The following PLCD3 variants were observed in gnomAD, a reference collection of about 807,000 sequenced individuals.
PLCD3 encodes the protein 1-phosphatidylinositol 4,5-bisphosphate phosphodiesterase delta-3.
In PLCD3, 62 loss-of-function variants were observed where a neutral mutation model predicts 82.8. The observed-to-expected ratio is 0.75, with a 90% CI of 0.61 to 0.93. The LOEUF is 0.93. PLCD3 is among the 40% of genes least tolerant of loss of function. PLCD3 has a pLI of 0.00. For synonymous variants in PLCD3, 478 were observed against 471.8 expected (o/e 1.01, Z -0.17); for missense variants, 1,023 against 1,103.4 (o/e 0.93, Z 1.03).
Position 45,120,209 on chromosome 17 carries a change from C to T in PLCD3, c.684+116G>A. 3 of 1,420,494 alleles carry T rather than the reference C, an allele frequency of 2.1e-6. No individual in the cohort carries two copies. In the Admixed American group the frequency reaches 6.2e-5, roughly 29 times the overall value. The allele number at this position is 1,420,494 out of a possible 1,614,324, so 88.0% of individuals were successfully genotyped here. A position where few individuals can be genotyped will look rare whatever the true frequency, so the allele number is the denominator to read the frequency against. ...CCTTTGTGCAGGGAAAGGCTGCTCG[C>T]TCCAAAAAAGCTGCAGGTGGAGAGG... is the stretch of plus-strand genomic sequence containing the variant. On this transcript the variant is annotated intron_variant, in intron 4 of 14. Transcript: ENST00000619929.
rs1418350811 is a variant in PLCD3, at chr17:45,112,953, G to A, written c.2191C>T (p.Leu731=). 5 of 1,612,856 alleles carry A rather than the reference G, an allele frequency of 3.1e-6. No homozygotes were observed. Among genetic ancestry groups the A allele is most frequent in the African/African-American group, 2.7e-5 (2 of 75,022 alleles). Residue 731 remains leucine, a synonymous_variant, in exon 14 of 15, where the codon CTG becomes TTG. Transcript: ENST00000619929. ...QFQLRAPELA[L]VRFVVEDYDA... is the part of the protein sequence containing the mutation. The stretch of plus-strand genomic sequence containing the variant: ...TAATCTTCCACCACAAACCGGACCA[G>A]TGCCAGCTCCGGAGCCCGCAGCTGG...
At chr17:45,115,600 G>A (rs2054284177) in intron 8 of PLCD3, 110 bp from the exon 9 acceptor site, 1 of 973,842 alleles carries the variant, frequency 1.0e-6, no homozygotes, top group Admixed American at 2.3e-5. Context: ...GGGGTGGGAG[G>A]CAGGAAAGGA....
intron 1 of PLCD3, among the ~76,000 whole-genome samples, chr17:45,125,990 A>G (rs2143587376): frequency 6.6e-6 from 1 of 152,350 alleles, no homozygotes; most frequent in East Asian, 1.9e-4. Context: ...ATGCCAGTGA[A>G]TTAACCACTT....
At chr17:45,129,884 C>T (rs1040246597) in intron 1 of PLCD3, among the ~76,000 whole-genome samples, 1 of 152,200 alleles carries the variant, frequency 6.6e-6, no homozygotes, top group African/African-American at 2.4e-5. Context: ...CTTCCTCAGG[C>T]CCCTCTAAGC....
Position 45,112,663 on chromosome 17 carries a change from G to A in PLCD3, c.2323C>T (p.Leu775=). Residue 775 remains leucine (L), a synonymous_variant, in exon 15 of 15, where the codon CTG becomes TTG. Transcript: ENST00000619929. The stretch of plus-strand genomic sequence containing the variant: ...TGGATGAAGAGCGTGGCTGGTGACA[G>A]TGAGGCCCCGTCCTTGGAAAGCAGG... The part of the protein sequence containing the change: ...IHLLSKDGAS[L]SPATLFIQIR... The A allele has an allele frequency of 1.2e-6, 2 of 1,607,176 alleles. No homozygotes were observed. Among genetic ancestry groups the A allele is most frequent in the Non-Finnish European group, 1.7e-6 (2 of 1,177,210 alleles).
intron 7 of PLCD3, 134 bp from the exon 8 acceptor site, chr17:45,116,918 T>C: frequency 8.7e-7 from 1 of 1,152,348 alleles, no homozygotes; most frequent in Non-Finnish European, 1.1e-6. Flanking sequence ...CAGCAGACTG[T>C]CCAGGAGGCT....
chr17:45,121,035 T>C lies in PLCD3; in HGVS notation c.421A>G (p.Ile141Val), dbSNP rs1166240069. 4.5e-6 allele frequency: 7 copies of C among 1,540,826 alleles called. No homozygotes were observed. The Admixed American group carries it at 1.2e-4, about 26-fold the overall frequency. The change falls in exon 3 of 15, where the codon ATC becomes GTC. Residue 141 changes from isoleucine (I) to valine (V), a missense_variant. Transcript: ENST00000619929. The part of the protein sequence containing the change: ...GAFAPARCLT[I>V]AFKGRRKNLD... The stretch of plus-strand genomic sequence containing the variant: ...TTCTTGCGGCGGCCCTTGAAGGCGA[T>C]GGTGAGGCAGCGCGCTGGCGCGAAG...
intron 1 of PLCD3, among the ~76,000 whole-genome samples, chr17:45,123,960 C>CG (rs1027491484): frequency 4.0e-4 from 56 of 140,662 alleles, no homozygotes; most frequent in Non-Finnish European, 7.5e-4. Context: ...CACCAGACCC[C>CG]CCCCCCAACC....
In PLCD3 at chr17:45,118,266, A is replaced by C. The variant is rs145091828; in HGVS notation, c.1115+25T>G. On this transcript the variant is annotated intron_variant, in intron 6 of 14. Coordinates refer to ENST00000619929, the MANE Select transcript of PLCD3 (RefSeq NM_133373.5). This position sits in a 1 kb window ranked among gnomAD's most constrained non-coding sequence, Gnocchi z 4.1. ...GTCTCTCCCCAGGTGGGGCTCCCGGAAACATTCACCCCCTGCTACAGTACC... is the reference window on the plus strand; with the variant it reads ...GTCTCTCCCCAGGTGGGGCTCCCGGCAACATTCACCCCCTGCTACAGTACC... 7.3e-4 allele frequency: 1,184 copies of C among 1,613,442 alleles called. 9 individuals carry two copies. In the African/African-American group the frequency reaches 0.014, roughly 19 times the overall value.
Position 45,110,878 on chromosome 17 carries a change from G to C in PLCD3, c.*1738C>G, listed in dbSNP as rs1485469568. 3 of 152,276 alleles carry C rather than the reference G, an allele frequency of 2.0e-5. No homozygotes were observed. The highest frequency in any genetic ancestry group is 4.4e-5 in the Non-Finnish European group (3 of 68,078). 9.4% of individuals were successfully genotyped at this position (152,276 alleles called of 1,614,324 possible). On this transcript the variant is annotated 3_prime_UTR_variant, in exon 15 of 15. Transcript: ENST00000619929. Reference sequence around the variant, plus strand: ...GCCAAACGCCACTCCCAGCATGAAGGAGCGGGGGACACTGCCACTTTCTGC... The same window carrying C: ...GCCAAACGCCACTCCCAGCATGAAGCAGCGGGGGACACTGCCACTTTCTGC...
chr17:45,110,486 C>T lies in PLCD3; in HGVS notation c.*2130G>A, dbSNP rs2054233693. ...ACTCTTGCCCTTTCAAGGCAGCCTT[C>T]TCAGTATTGGGCCCTCATCCTAGCC... On this transcript the variant is annotated 3_prime_UTR_variant, in exon 15 of 15. Coordinates refer to ENST00000619929, the MANE Select transcript of PLCD3 (RefSeq NM_133373.5). 6.6e-6 allele frequency: 1 copy of T among 151,748 alleles called. No homozygotes were observed. The highest frequency in any genetic ancestry group is 6.6e-5 in the Admixed American group (1 of 15,242). The allele number at this position is 151,748 out of a possible 1,614,324, so 9.4% of individuals were successfully genotyped here. A position where few individuals can be genotyped will look rare whatever the true frequency, so the allele number is the denominator to read the frequency against.
At chr17:45,115,316 T>TTCCCCCC in intron 9 of PLCD3, 28 bp downstream of exon 9, 5 of 1,474,948 alleles carry the variant, frequency 3.4e-6, no homozygotes, top group East Asian at 2.5e-5. Context: ...TTCCCCCCCT[T>TTCCCCCC]CCCCACCCCA....
At position 45,110,591 on chromosome 17, in the gene PLCD3, A is replaced by C. The variant is rs1467980197; in HGVS notation, c.*2025T>G. On this transcript the variant is annotated 3_prime_UTR_variant, in exon 15 of 15. Coordinates refer to ENST00000619929, the MANE Select transcript of PLCD3 (RefSeq NM_133373.5). The stretch of plus-strand genomic sequence containing the variant: ...GCACTCAGCCCTGGGTCTGGTGCTC[A>C]CCTGACCCAGACCCCCCAGCCAGCC... The C allele has an allele frequency of 6.6e-6, 1 of 152,138 alleles. No individual in the cohort carries two copies. The highest frequency in any genetic ancestry group is 2.1e-4 in the South Asian group (1 of 4,834). 9.4% of individuals were successfully genotyped at this position (152,138 alleles called of 1,614,324 possible).
At chr17:45,129,635 G>C (rs993962470) in intron 1 of PLCD3, among the ~76,000 whole-genome samples, 2 of 152,238 alleles carry the variant, frequency 1.3e-5, no homozygotes, top group African/African-American at 2.4e-5. Flanking sequence ...CCCGCACAGG[G>C]ATGCCTGAGG....
At position 45,119,021 on chromosome 17, in the gene PLCD3, T is replaced by A; in HGVS notation, c.707A>T (p.Asp236Val). Residue 236 changes from aspartate (D) to valine (V), a missense_variant, in exon 5 of 15, where the codon GAC (aspartate) becomes GTC (valine). Physicochemically the swap from Asp to Val is radical, Grantham distance 152. Around this residue, in one of 3 missense-constraint regions of PLCD3, gnomAD observed 448 missense variants for 406.3 expected, o/e 1.10. Transcript: ENST00000619929. ...LFKECDHSNN[D>V]RLEGAEIEEF... is the part of the protein sequence containing the mutation. ...CTCGATCTCAGCCCCCTCTAGACGG[T>A]CGTTGTTGGAGTGGTCACACTCCTG... The A allele has an allele frequency of 6.2e-7, 1 of 1,610,588 alleles. No homozygotes were observed. Among genetic ancestry groups the A allele is most frequent in the Non-Finnish European group, 8.5e-7 (1 of 1,178,926 alleles).
chr17:45,120,819 C>T, intron 3 of PLCD3, 83 bp downstream of exon 3: 1 of 1,358,702 alleles, frequency 7.4e-7, no homozygotes, highest in Non-Finnish European at 9.6e-7. Flanking sequence ...CTTCCCTGGG[C>T]GTGGGGGCTC....
chr17:45,110,604 C>T lies in PLCD3; in HGVS notation c.*2012G>A, dbSNP rs2054234299. 1 of 152,174 alleles carries T rather than the reference C, an allele frequency of 6.6e-6. No individual in the cohort carries two copies. The highest frequency in any genetic ancestry group is 2.4e-5 in the African/African-American group (1 of 41,426). 9.4% of individuals were successfully genotyped at this position (152,174 alleles called of 1,614,324 possible). The stretch of plus-strand genomic sequence containing the variant: ...GGTCTGGTGCTCACCTGACCCAGAC[C>T]CCCCAGCCAGCCCCTGGCCAGACCT... On this transcript the variant is annotated 3_prime_UTR_variant, in exon 15 of 15. Coordinates refer to ENST00000619929, the MANE Select transcript of PLCD3 (RefSeq NM_133373.5).
intron 4 of PLCD3, among the ~76,000 whole-genome samples, chr17:45,119,306 C>G (rs1197441067): frequency 6.6e-6 from 1 of 152,218 alleles, no homozygotes; most frequent in Admixed American, 6.5e-5. Flanking sequence ...TAGCTCACTG[C>G]AGCTTCCAAC....
intron 1 of PLCD3, among the ~76,000 whole-genome samples, chr17:45,124,729 T>C (rs2054368247): frequency 6.6e-6 from 1 of 152,282 alleles, no homozygotes; most frequent in African/African-American, 2.4e-5. Flanking sequence ...TGTTCCTACC[T>C]GCTCTGAGCA....
Sources: gnomAD v4.1 joint callset for allele counts (sites outside exome capture counted in the v4.1 genomes callset) on GRCh38, gnomAD v4.1.1 for gene constraint, gnomAD v4.1.1 regional missense constraint, Gnocchi (gnomAD v3.1) non-coding constraint, MANE v1.5 for transcripts, NCBI Gene and HGNC (gene_info 2026-07-23, HGNC 2026-07-21) for gene names.